The following BCAS3 variants were observed in gnomAD, a reference collection of about 807,000 sequenced individuals.
BCAS3 encodes BCAS3 microtubule associated cell migration factor.
BCAS3 carries 53 observed loss-of-function variants against 116.1 expected under a neutral mutation model. The ratio of observed to expected loss-of-function variants is 0.46; its 90% confidence interval spans 0.37 to 0.57. The LOEUF (loss-of-function observed/expected upper bound fraction) is 0.57, where lower values mean the gene tolerates loss of function less well. Among genes scored for constraint, BCAS3 ranks in the 20% least tolerant of loss-of-function variants. The pLI is 0.00. For missense variants in BCAS3, 917 were observed against 1,165.4 expected (o/e 0.79, Z 3.10); for synonymous variants, 391 against 408.2 (o/e 0.96, Z 0.51).
Position 61,392,087 on chromosome 17 carries a change from A to G in BCAS3, c.2704A>G (p.Ser902Gly), listed in dbSNP as rs1312440000. 6.2e-7 allele frequency: 1 copy of G among 1,613,730 alleles called. No homozygotes were observed. The highest frequency in any genetic ancestry group is 1.7e-5 in the Admixed American group (1 of 60,018). ...CCGATCTCCGCTGCCCACCAATGAG[A>G]GCCAGCCCCTCAGCCTCTTCCCGAC... ...GYRSPLPTNE[S>G]QPLSLFPTGF... Residue 902 changes from serine to glycine, a missense_variant, in exon 24 of 24, where the codon AGC (serine) becomes GGC (glycine). By Grantham distance (56) the Ser-to-Gly change is moderately conservative. This residue lies in a region of BCAS3 where 109 missense variants were observed against 122.8 expected (regional missense o/e 0.89). Coordinates refer to ENST00000407086, the MANE Select transcript of BCAS3 (RefSeq NM_017679.5). The surrounding 1 kb of genome is among the most constrained non-coding windows in gnomAD (Gnocchi z 6.4).
In BCAS3 at chr17:61,181,717, A is replaced by G. The variant is rs2079493570; in HGVS notation, c.2425+97153A>G. Among the ~76,000 whole-genome samples the G allele has an allele frequency of 6.6e-6, 1 of 152,210 alleles. No homozygotes were observed. Among genetic ancestry groups the G allele is most frequent in the African/African-American group, 2.4e-5 (1 of 41,450 alleles). ...ATGATAAGAGTCAACTCTAAAATCA[A>G]AATAAATAGAAGCTCCACCATGATT... is the stretch of plus-strand genomic sequence containing the variant. On this transcript the variant is annotated intron_variant, in intron 22 of 23. Coordinates refer to ENST00000407086, the MANE Select transcript of BCAS3 (RefSeq NM_017679.5). The surrounding 1 kb of genome is among the most constrained non-coding windows in gnomAD (Gnocchi z 5.0).
chr17:61,264,925 T>C lies in BCAS3; in HGVS notation c.2426-103402T>C, dbSNP rs114940257. On this transcript the variant is annotated intron_variant, in intron 22 of 23. Coordinates refer to ENST00000407086, the MANE Select transcript of BCAS3 (RefSeq NM_017679.5). ...TAATTATGGTCAGGTTTTAGAAATA[T>C]AAAAGGGATATTAGAAGTATGATAG... Among the ~76,000 whole-genome samples the C allele has an allele frequency of 3.5e-3, 533 of 152,306 alleles. 3 individuals carry two copies. The highest frequency in any genetic ancestry group is 0.012 in the African/African-American group (505 of 41,562).
intron 7 of BCAS3, among the ~76,000 whole-genome samples, chr17:60,833,272 C>A (rs745681280): frequency 1.3e-5 from 2 of 152,138 alleles, no homozygotes; most frequent in African/African-American, 4.8e-5. Flanking sequence ...TCTTGAAATA[C>A]CTTTTAGATA....
Position 61,392,436 on chromosome 17 carries a change from C to T in BCAS3, c.*311C>T, listed in dbSNP as rs934773280. On this transcript the variant is annotated 3_prime_UTR_variant, in exon 24 of 24. Coordinates refer to ENST00000407086, the MANE Select transcript of BCAS3 (RefSeq NM_017679.5). The surrounding 1 kb of genome is among the most constrained non-coding windows in gnomAD (Gnocchi z 6.4). ...CTTTTGTATTTTTTAACCATACCCA[C>T]GGTGGGGCGGGTGGGGGGAGCCTGG... 4 of 109,756 alleles carry T rather than the reference C, an allele frequency of 3.6e-5. No individual in the cohort carries two copies. Among genetic ancestry groups the T allele is most frequent in the South Asian group, 3.4e-4 (1 of 2,940 alleles). 6.8% of individuals were successfully genotyped at this position (109,756 alleles called of 1,614,324 possible).
chr17:60,780,849 T>A (rs529720158), intron 6 of BCAS3, among the ~76,000 whole-genome samples: 1 of 152,358 alleles, frequency 6.6e-6, no homozygotes, highest in Non-Finnish European at 1.5e-5. Context: ...TTTTTTGACA[T>A]ATTTTCCTAA....
intron 6 of BCAS3, among the ~76,000 whole-genome samples, chr17:60,777,071 C>T (rs993697135): frequency 5.3e-5 from 8 of 150,536 alleles, no homozygotes; most frequent in African/African-American, 9.8e-5. Context: ...TGTGTGTGTG[C>T]GTGTGTATAT....
intron 6 of BCAS3, among the ~76,000 whole-genome samples, chr17:60,748,046 C>A (rs1202705230): frequency 6.6e-6 from 1 of 151,930 alleles, no homozygotes; most frequent in African/African-American, 2.4e-5. Flanking sequence ...AAAACATAAT[C>A]ATAATAATCA....
chr17:60,776,448 C>T (rs962185321), intron 6 of BCAS3, among the ~76,000 whole-genome samples: 6 of 152,204 alleles, frequency 3.9e-5, no homozygotes, highest in East Asian at 3.9e-4. Flanking sequence ...TGGCTGTGCG[C>T]GGTGGCTCAC....
At chr17:60,701,767 C>T (rs186442008) in intron 4 of BCAS3, among the ~76,000 whole-genome samples, 1 of 148,398 alleles carries the variant, frequency 6.7e-6, no homozygotes, top group African/African-American at 2.5e-5. Context: ...CAGGACTAGC[C>T]TGGCCAATGT....
chr17:61,216,721 T>C (rs2081816864), intron 22 of BCAS3, among the ~76,000 whole-genome samples: 1 of 151,258 alleles, frequency 6.6e-6, no homozygotes, highest in Non-Finnish European at 1.5e-5. Flanking sequence ...TTTTTGTATT[T>C]TTAGTAGAGA....
At chr17:60,765,007 T>A (rs2043940943) in intron 6 of BCAS3, among the ~76,000 whole-genome samples, 2 of 152,316 alleles carry the variant, frequency 1.3e-5, no homozygotes, top group South Asian at 4.1e-4. Context: ...AGCCTAGGAT[T>A]GCAACCCCTG....
chr17:61,289,274 C>T (rs1016444316), intron 22 of BCAS3, among the ~76,000 whole-genome samples: 1 of 152,174 alleles, frequency 6.6e-6, no homozygotes, highest in African/African-American at 2.4e-5. Flanking sequence ...ACTCTAGTCA[C>T]TCATGGAAAG....
rs773351461 is a variant in BCAS3 at position 61,339,764 on chromosome 17, TAAA to T, written c.2426-28549_2426-28547del. On this transcript the variant is annotated intron_variant, in intron 22 of 23. Coordinates refer to ENST00000407086, the MANE Select transcript of BCAS3 (RefSeq NM_017679.5). The surrounding 1 kb of genome is among the most constrained non-coding windows in gnomAD (Gnocchi z 4.4). Reference sequence around the variant, plus strand: ...CGGGGCGACAAAGCGAGACCCCATCTAAAAAAAAAAAAAAAAGACCAAGGAGAT... The same window carrying T: ...CGGGGCGACAAAGCGAGACCCCATCTAAAAAAAAAAAAAGACCAAGGAGAT... Among the ~76,000 whole-genome samples, 6 of 115,576 alleles carry T rather than the reference TAAA, an allele frequency of 5.2e-5. No homozygotes were observed. Among genetic ancestry groups the T allele is most frequent in the Admixed American group, 8.9e-5 (1 of 11,258 alleles). 75.8% of individuals were successfully genotyped at this position (115,576 alleles called of 152,430 possible).
In BCAS3 at chr17:61,037,969, C is replaced by T. The variant is rs1416992531; in HGVS notation, c.1843C>T (p.Arg615Ter). Residue 615 changes from arginine (R) to a stop codon, truncating the protein, a stop_gained, in exon 18 of 24, where the codon CGA becomes TGA. Coordinates refer to ENST00000407086, the MANE Select transcript of BCAS3 (RefSeq NM_017679.5). LOFTEE classifies it high-confidence loss of function. This position sits in a 1 kb window ranked among gnomAD's most constrained non-coding sequence, Gnocchi z 4.7. ...GTLVEHMMEP[R>*]PLSTAPKISD... is the part of the protein sequence containing the mutation. ...CTTAGTGGAACACATGATGGAGCCG[C>T]GACCCCTCAGCACTGCACCCAAGAT... 3.1e-6 allele frequency: 5 copies of T among 1,613,920 alleles called. No individual in the cohort carries two copies. Among genetic ancestry groups the T allele is most frequent in the African/African-American group, 2.7e-5 (2 of 74,902 alleles).
intron 22 of BCAS3, among the ~76,000 whole-genome samples, chr17:61,272,996 T>C (rs1359425161): frequency 6.6e-6 from 1 of 152,208 alleles, no homozygotes; most frequent in Non-Finnish European, 1.5e-5. Context: ...TTTATGTAGA[T>C]CTGAGTTTCA....
chr17:61,356,388 G>T lies in BCAS3; in HGVS notation c.2426-11939G>T, dbSNP rs1168064917. Reference sequence around the variant, plus strand: ...TGAGTGTGCCAAGTTTAAAACAGAAGAGTAAAGGGTCTCTGGCGTCCAGTC... The same window carrying T: ...TGAGTGTGCCAAGTTTAAAACAGAATAGTAAAGGGTCTCTGGCGTCCAGTC... On this transcript the variant is annotated intron_variant, in intron 22 of 23. Transcript: ENST00000407086. This position sits in a 1 kb window ranked among gnomAD's most constrained non-coding sequence, Gnocchi z 5.4. 6.6e-6 allele frequency among the ~76,000 whole-genome samples: 1 copy of T among 152,204 alleles called. No homozygotes were observed. Among genetic ancestry groups the T allele is most frequent in the Non-Finnish European group, 1.5e-5 (1 of 68,030 alleles).
At chr17:60,841,280 A>G (rs2051876135) in intron 7 of BCAS3, among the ~76,000 whole-genome samples, 1 of 152,136 alleles carries the variant, frequency 6.6e-6, no homozygotes, top group African/African-American at 2.4e-5. Context: ...CTAAATCTAA[A>G]GATCATTTTG....
At chr17:61,160,588 T>A (rs1379875807) in intron 22 of BCAS3, among the ~76,000 whole-genome samples, 1 of 152,194 alleles carries the variant, frequency 6.6e-6, no homozygotes, top group Non-Finnish European at 1.5e-5. Context: ...TTTCTAAATA[T>A]CACAAAAATT....
chr17:60,851,523 C>T, intron 7 of BCAS3: 2 of 605,338 alleles, frequency 3.3e-6, no homozygotes, highest in Non-Finnish European at 6.3e-6. Flanking sequence ...TTGAAACCAC[C>T]ATCTGTAAAG....
Sources: allele counts gnomAD v4.1 joint callset (sites outside exome capture counted in the v4.1 genomes callset), GRCh38; gene constraint gnomAD v4.1.1; regional missense constraint gnomAD v4.1.1; non-coding constraint Gnocchi (gnomAD v3.1); transcripts MANE v1.5; gene names NCBI Gene and HGNC (gene_info 2026-07-23, HGNC 2026-07-21).